TBCE: variants seen among roughly 807,000 people sequenced by gnomAD.
TBCE encodes tubulin-specific chaperone E.
In TBCE, 53 loss-of-function variants were observed where a neutral mutation model predicts 77.0. The ratio of observed to expected loss-of-function variants is 0.69; its 90% confidence interval spans 0.55 to 0.87. The LOEUF (loss-of-function observed/expected upper bound fraction) is 0.87. Among genes scored for constraint, TBCE ranks in the 40% least tolerant of loss-of-function variants. TBCE has a pLI of 0.00. For missense variants in TBCE, 624 were observed against 622.4 expected, an observed-to-expected ratio of 1.00 and a Z score of -0.03; for synonymous variants, 235 against 241.3, an observed-to-expected ratio of 0.97 and a Z score of 0.24.
intron 2 of TBCE, among the ~76,000 whole-genome samples, chr1:235,381,102 T>C (rs939035550): frequency 2.2e-4 from 34 of 152,172 alleles, no homozygotes; most frequent in East Asian, 1.7e-3. Context: ...TTCTATGAAC[T>C]GGGCAACTGC....
intron 4 of TBCE, among the ~76,000 whole-genome samples, chr1:235,416,789 A>G (rs1345937686): frequency 6.6e-6 from 1 of 152,194 alleles, no homozygotes. Flanking sequence ...GAGTAATCTC[A>G]TATGTTGGCT....
intron 2 of TBCE, among the ~76,000 whole-genome samples, chr1:235,384,601 C>G (rs868180716): frequency 1.0e-4 from 15 of 147,222 alleles, no homozygotes; most frequent in African/African-American, 3.5e-4. Flanking sequence ...AGTTTATTTG[C>G]GTAGAGGTGT....
At chr1:235,421,629 A>G (rs2102895927) in intron 5 of TBCE, among the ~76,000 whole-genome samples, 1 of 152,192 alleles carries the variant, frequency 6.6e-6, no homozygotes, top group Non-Finnish European at 1.5e-5. Flanking sequence ...GAATTGCTTG[A>G]ACCCGGGAGG....
intron 2 of TBCE, among the ~76,000 whole-genome samples, chr1:235,386,566 T>C (rs563972748): frequency 0.02 from 3,062 of 152,318 alleles, 104 homozygotes; most frequent in African/African-American, 0.07. Context: ...CCATCACTGA[T>C]ACCCTTTCTT....
At chr1:235,431,213 C>G (rs12726892) in intron 7 of TBCE, among the ~76,000 whole-genome samples, 1 of 151,990 alleles carries the variant, frequency 6.6e-6, no homozygotes, top group African/African-American at 2.4e-5. Flanking sequence ...GTTAGAAGTT[C>G]GGCTCTTGGA....
intron 5 of TBCE, among the ~76,000 whole-genome samples, chr1:235,420,108 G>A (rs778388357): frequency 1.3e-5 from 2 of 152,114 alleles, no homozygotes; most frequent in Non-Finnish European, 2.9e-5. Context: ...GGGCACACTT[G>A]TTTGGCCTCT....
At chr1:235,375,667 A>G (rs1677248342) in intron 1 of TBCE, among the ~76,000 whole-genome samples, 1 of 152,174 alleles carries the variant, frequency 6.6e-6, no homozygotes, top group African/African-American at 2.4e-5. Context: ...ACATGGATCC[A>G]GTTTCTAGGT....
intron 1 of TBCE, among the ~76,000 whole-genome samples, chr1:235,371,490 C>A (rs560057489): frequency 3.5e-4 from 53 of 151,418 alleles, no homozygotes; most frequent in Non-Finnish European, 4.0e-4. Context: ...ATTCTCCCAC[C>A]TCAGCCTCTG....
rs1286676769 is a variant in TBCE at position 235,436,607 on chromosome 1, A to G, written c.962A>G (p.Gln321Arg). The G allele has an allele frequency of 6.2e-7, 1 of 1,613,346 alleles. No homozygotes were observed. The highest frequency in any genetic ancestry group is 1.7e-5 in the Admixed American group (1 of 59,996). ...GTAGTAAACGACAATCAGATATCAC[A>G]AGTAAGAGCTGCTCGGAGTATGCCC... ...YLVVNDNQIS[Q>R]WSFFNELEKL... Residue 321 changes from glutamine (Q) to arginine (R), a missense_variant and splice_region_variant, in exon 11 of 17, where the codon CAA (glutamine) becomes CGA (arginine). Gln to Arg is a conservative substitution (Grantham distance 43). Transcript: ENST00000642610.
intron 15 of TBCE, among the ~76,000 whole-genome samples, chr1:235,446,144 C>T (rs1305886898): frequency 2.0e-5 from 3 of 152,062 alleles, no homozygotes; most frequent in Non-Finnish European, 4.4e-5. Context: ...TAAAGAAATA[C>T]AAATGTAGTA....
At chr1:235,376,803 G>A (rs914455254) in intron 1 of TBCE, among the ~76,000 whole-genome samples, 3 of 151,946 alleles carry the variant, frequency 2.0e-5, no homozygotes, top group Non-Finnish European at 4.4e-5. Context: ...GTGAAATCCC[G>A]TCTCTACTAA....
chr1:235,411,256 A>G (rs756863584), intron 3 of TBCE, among the ~76,000 whole-genome samples: 3 of 152,340 alleles, frequency 2.0e-5, no homozygotes, highest in Non-Finnish European at 4.4e-5. Context: ...CAGGTCAGGA[A>G]CTGTGTAGAC....
At chr1:235,386,077 G>T (rs2102824997) in intron 2 of TBCE, among the ~76,000 whole-genome samples, 1 of 152,230 alleles carries the variant, frequency 6.6e-6, no homozygotes, top group South Asian at 2.1e-4. Context: ...CACTTATGAA[G>T]CTTAGTTTGG....
At position 235,450,263 on chromosome 1, in the gene TBCE, C is replaced by T. The variant is rs202105146; in HGVS notation, c.*1501C>T. The T allele has an allele frequency of 1.7e-5, 27 of 1,614,102 alleles. No homozygotes were observed. Among genetic ancestry groups the T allele is most frequent in the African/African-American group, 2.7e-5 (2 of 75,042 alleles). On this transcript the variant is annotated 3_prime_UTR_variant, in exon 17 of 17. Coordinates refer to ENST00000642610, the MANE Select transcript of TBCE (RefSeq NM_003193.5). ...ACCGTTCCTTCAGTTTCCACAGTTCCGTCAGTTCCCACGGAGAATACTGAG... is the reference window on the plus strand; with the variant it reads ...ACCGTTCCTTCAGTTTCCACAGTTCTGTCAGTTCCCACGGAGAATACTGAG...
At chr1:235,422,453 T>C (rs1680448678) in intron 5 of TBCE, among the ~76,000 whole-genome samples, 1 of 149,618 alleles carries the variant, frequency 6.7e-6, no homozygotes, top group Non-Finnish European at 1.5e-5. Flanking sequence ...GAGGCAGAGA[T>C]TGCAGTGAGC....
chr1:235,406,474 G>A (rs1040753989), intron 3 of TBCE, among the ~76,000 whole-genome samples: 4 of 152,180 alleles, frequency 2.6e-5, no homozygotes, highest in Non-Finnish European at 4.4e-5. Context: ...CAGGGCATCC[G>A]CACAGACTAG....
At chr1:235,411,431 G>A (rs1238631090) in intron 3 of TBCE, among the ~76,000 whole-genome samples, 1 of 151,678 alleles carries the variant, frequency 6.6e-6, no homozygotes, top group African/African-American at 2.4e-5. Context: ...ATTTCCTTTG[G>A]GTTGGGGGGC....
intron 3 of TBCE, among the ~76,000 whole-genome samples, chr1:235,407,816 A>C (rs1321648371): frequency 2.0e-5 from 3 of 152,158 alleles, no homozygotes; most frequent in African/African-American, 7.2e-5. Flanking sequence ...TGAGGGGTTC[A>C]AATATGGTAA....
At chr1:235,428,938 G>A (rs1203764646) in intron 6 of TBCE, among the ~76,000 whole-genome samples, 3 of 145,628 alleles carry the variant, frequency 2.1e-5, no homozygotes, top group African/African-American at 7.8e-5. Flanking sequence ...ACTGTGCCCA[G>A]CCTTATGTAT....
Sources: gnomAD v4.1 joint callset for allele counts (sites outside exome capture counted in the v4.1 genomes callset) on GRCh38, gnomAD v4.1.1 for gene constraint, MANE v1.5 for transcripts, NCBI Gene and HGNC (gene_info 2026-07-23, HGNC 2026-07-21) for gene names.